The following NLGN1 variants were observed in gnomAD, a reference collection of about 807,000 sequenced individuals.
The protein encoded by NLGN1 is neuroligin-1.
In NLGN1, 12 loss-of-function variants were observed where a neutral mutation model predicts 65.5. The observed-to-expected ratio is 0.18, with a 90% confidence interval of 0.12 to 0.30. The LOEUF (loss-of-function observed/expected upper bound fraction) is 0.30. NLGN1 is among the 10% of genes least tolerant of loss of function. The pLI, the probability that NLGN1 is intolerant of heterozygous loss-of-function variation, is 1.00. For missense variants in NLGN1, 750 were observed against 1,007.1 expected (o/e 0.74, Z 3.46); for synonymous variants, 350 against 359.5 (o/e 0.97, Z 0.30).
At position 174,104,387 on chromosome 3, in the gene NLGN1, G is replaced by A. The variant is rs942282098; in HGVS notation, c.647-170928G>A. On this transcript the variant is annotated intron_variant, in intron 4 of 6. Coordinates refer to ENST00000457714, the Ensembl canonical transcript of NLGN1. ...TTATACTATGATTCAGATGTGTGCA[G>A]TAATTCATGGTTTTACTCAAAAATA... Among the ~76,000 whole-genome samples, 8 of 152,110 alleles carry A rather than the reference G, an allele frequency of 5.3e-5. No homozygotes were observed. In the East Asian group the frequency reaches 1.2e-3, roughly 22 times the overall value.
At chr3:173,557,292 G>A (rs1447407924) in intron 2 of NLGN1, among the ~76,000 whole-genome samples, 2 of 151,990 alleles carry the variant, frequency 1.3e-5, no homozygotes, top group Non-Finnish European at 2.9e-5. Flanking sequence ...CTTGTAATTA[G>A]GGTTTGTATG....
intron 4 of NLGN1, among the ~76,000 whole-genome samples, chr3:174,224,419 C>T (rs1343717392): frequency 6.6e-6 from 1 of 152,196 alleles, no homozygotes; most frequent in East Asian, 1.9e-4. Flanking sequence ...GGAAATCTGG[C>T]CGGGCGTGAT....
intron 2 of NLGN1, among the ~76,000 whole-genome samples, chr3:173,450,265 C>G (rs1463714514): frequency 1.3e-5 from 2 of 152,116 alleles, no homozygotes; most frequent in East Asian, 1.9e-4. Flanking sequence ...CTGGTGGTGA[C>G]AAAATCTCTC....
intron 4 of NLGN1, among the ~76,000 whole-genome samples, chr3:173,972,021 A>G (rs1716359838): frequency 6.6e-6 from 1 of 152,066 alleles, no homozygotes; most frequent in Admixed American, 6.6e-5. Flanking sequence ...GAAAGTACCC[A>G]GCTGAGGAGC....
chr3:174,275,290 T>C, intron 4 of NLGN1, 25 bp from the exon 5 acceptor site: 1 of 1,560,984 alleles, frequency 6.4e-7, no homozygotes, highest in South Asian at 1.1e-5. Flanking sequence ...GCTCAAAACG[T>C]GTTTTCTAAA....
At chr3:174,116,184 A>C (rs1273504371) in intron 4 of NLGN1, among the ~76,000 whole-genome samples, 1 of 152,066 alleles carries the variant, frequency 6.6e-6, no homozygotes, top group African/African-American at 2.4e-5. Context: ...CAAATATAAG[A>C]TATTATTATT....
intron 4 of NLGN1, among the ~76,000 whole-genome samples, chr3:174,131,153 G>A (rs1720099628): frequency 6.6e-6 from 1 of 152,102 alleles, no homozygotes. Context: ...ATACTATGAT[G>A]CCCTTGCCTT....
chr3:173,578,554 C>A (rs1745905956), intron 2 of NLGN1, among the ~76,000 whole-genome samples: 1 of 152,106 alleles, frequency 6.6e-6, no homozygotes, highest in East Asian at 1.9e-4. Flanking sequence ...TTAGGTCAAA[C>A]TTTATAGTAT....
chr3:174,231,425 A>G (rs2152817658), intron 4 of NLGN1, among the ~76,000 whole-genome samples: 1 of 152,296 alleles, frequency 6.6e-6, no homozygotes. Flanking sequence ...TTGAACATTC[A>G]GCAGTCTATG....
At chr3:173,820,909 G>A (rs962795599) in intron 4 of NLGN1, among the ~76,000 whole-genome samples, 1 of 152,092 alleles carries the variant, frequency 6.6e-6, no homozygotes, top group Non-Finnish European at 1.5e-5. Flanking sequence ...GAAATAAAAG[G>A]AAATTGTTTG....
chr3:173,774,631 C>A (rs1176532518), intron 3 of NLGN1, among the ~76,000 whole-genome samples: 1 of 152,110 alleles, frequency 6.6e-6, no homozygotes, highest in Non-Finnish European at 1.5e-5. Context: ...GGTGTTGAAT[C>A]TACCTTTTGT....
chr3:173,864,099 C>T (rs903650799), intron 4 of NLGN1, among the ~76,000 whole-genome samples: 1 of 152,026 alleles, frequency 6.6e-6, no homozygotes, highest in African/African-American at 2.4e-5. Flanking sequence ...AACTGTCAAC[C>T]CAATAATGGA....
chr3:173,555,320 G>A (rs958409123), intron 2 of NLGN1, among the ~76,000 whole-genome samples: 4 of 152,024 alleles, frequency 2.6e-5, no homozygotes, highest in Admixed American at 6.6e-5. Flanking sequence ...AAGCCTCCTT[G>A]GACTTACTGA....
intron 3 of NLGN1, among the ~76,000 whole-genome samples, chr3:173,658,491 A>G (rs901006924): frequency 6.6e-6 from 1 of 152,002 alleles, no homozygotes; most frequent in African/African-American, 2.4e-5. Context: ...TCTAATCTTT[A>G]TATTGAAGTT....
chr3:173,790,264 T>C (rs1712391355), intron 3 of NLGN1, among the ~76,000 whole-genome samples: 1 of 152,056 alleles, frequency 6.6e-6, no homozygotes, highest in Admixed American at 6.5e-5. Flanking sequence ...TCTATTATTC[T>C]CCCTAAAGTA....
At chr3:173,511,534 T>TA (rs1732969332) in intron 2 of NLGN1, among the ~76,000 whole-genome samples, 1 of 152,236 alleles carries the variant, frequency 6.6e-6, no homozygotes, top group Non-Finnish European at 1.5e-5. Context: ...GTGGGGAAAT[T>TA]ATCAGTCATT....
chr3:173,753,400 G>T (rs1247800558), intron 3 of NLGN1, among the ~76,000 whole-genome samples: 1 of 152,068 alleles, frequency 6.6e-6, no homozygotes. Context: ...ACTTCCAGTG[G>T]CTCGGGCCAA....
At chr3:173,662,605 G>A (rs887605095) in intron 3 of NLGN1, among the ~76,000 whole-genome samples, 1 of 151,896 alleles carries the variant, frequency 6.6e-6, no homozygotes, top group African/African-American at 2.4e-5. Flanking sequence ...TTGATTTTCT[G>A]TGAATCTTTG....
chr3:173,430,521 C>G (rs1159419952), intron 1 of NLGN1, among the ~76,000 whole-genome samples: 2 of 152,214 alleles, frequency 1.3e-5, no homozygotes, highest in Non-Finnish European at 2.9e-5. Context: ...TTACTGCGTC[C>G]TATCAGGTGG....
Sources: gnomAD v4.1 joint callset for allele counts (sites outside exome capture counted in the v4.1 genomes callset) on GRCh38, gnomAD v4.1.1 for gene constraint, MANE v1.5 for transcripts, NCBI Gene and HGNC (gene_info 2026-07-23, HGNC 2026-07-21) for gene names.